The following EXOC6B variants were observed in gnomAD, a reference collection of about 807,000 sequenced individuals.
EXOC6B encodes exocyst complex component 6B, also known as SEC15 homolog B.
Under a neutral mutation model 113.5 loss-of-function variants are expected in EXOC6B, and 54 were observed. The observed-to-expected ratio is 0.48, with a 90% confidence interval of 0.38 to 0.60. The LOEUF is 0.60. Ranked by LOEUF, EXOC6B falls within the 20% of genes least tolerant of loss-of-function variation. The probability of loss-of-function intolerance (pLI) is 0.00; values close to 1 mark genes in which losing one functional copy is unlikely to be tolerated. For synonymous variants in EXOC6B, 357 were observed against 339.0 expected (o/e 1.05, Z -0.58); for missense variants, 797 against 977.5 (o/e 0.82, Z 2.46).
intron 1 of EXOC6B, among the ~76,000 whole-genome samples, chr2:72,810,775 A>T (rs961466988): frequency 6.6e-6 from 1 of 152,190 alleles, no homozygotes; most frequent in African/African-American, 2.4e-5. Flanking sequence ...GTAAGCAATA[A>T]TAAAAGAAAA....
chr2:72,222,891 G>T (rs1573027604), intron 20 of EXOC6B, among the ~76,000 whole-genome samples: 1 of 152,158 alleles, frequency 6.6e-6, no homozygotes, highest in East Asian at 1.9e-4. Context: ...ATAAGGTGAG[G>T]CTGACGGCTA....
At chr2:72,638,786 T>C (rs1263841066) in intron 6 of EXOC6B, among the ~76,000 whole-genome samples, 1 of 152,132 alleles carries the variant, frequency 6.6e-6, no homozygotes, top group Non-Finnish European at 1.5e-5. Context: ...TAGTGGAGCA[T>C]GGCCAAGAAT....
At chr2:72,631,422 GTGTGTATATA>G (rs1343522543) in intron 6 of EXOC6B, among the ~76,000 whole-genome samples, 3 of 7,062 alleles carry the variant, frequency 4.2e-4, no homozygotes, top group East Asian at 0.036. Context: ...GTGTGTGTGT[GTGTGTATATA>G]TATATATATA....
chr2:72,447,435 T>C (rs941146709), intron 18 of EXOC6B, among the ~76,000 whole-genome samples: 1 of 152,186 alleles, frequency 6.6e-6, no homozygotes, highest in African/African-American at 2.4e-5. Flanking sequence ...TTCAAATATA[T>C]GAAGGTAGTA....
intron 18 of EXOC6B, among the ~76,000 whole-genome samples, chr2:72,458,645 A>C (rs548571235): frequency 1.3e-5 from 2 of 152,244 alleles, no homozygotes; most frequent in Non-Finnish European, 2.9e-5. Context: ...TATAGTATTT[A>C]GGTAAAAACG....
At chr2:72,327,414 C>A (rs985061100) in intron 20 of EXOC6B, among the ~76,000 whole-genome samples, 2 of 152,038 alleles carry the variant, frequency 1.3e-5, no homozygotes, top group African/African-American at 4.8e-5. Flanking sequence ...TACTCCCTCT[C>A]CCCTGATTCC....
At chr2:72,411,211 C>CA (rs1694165182) in intron 18 of EXOC6B, among the ~76,000 whole-genome samples, 1 of 151,606 alleles carries the variant, frequency 6.6e-6, no homozygotes, top group East Asian at 1.9e-4. Flanking sequence ...GACCCTGCCT[C>CA]AAAAAACAAA....
chr2:72,536,550 T>G (rs1370261348), intron 8 of EXOC6B, among the ~76,000 whole-genome samples: 2 of 152,232 alleles, frequency 1.3e-5, no homozygotes, highest in African/African-American at 2.4e-5. Context: ...TACATATTTT[T>G]GGGGTTGTAA....
intron 19 of EXOC6B, among the ~76,000 whole-genome samples, chr2:72,353,411 G>T (rs183774566): frequency 8.9e-6 from 1 of 111,944 alleles, no homozygotes; most frequent in Admixed American, 7.9e-5. Flanking sequence ...TCGCTCTGTC[G>T]CCCAGGCTGG....
chr2:72,348,845 T>G (rs2104934447), intron 19 of EXOC6B, among the ~76,000 whole-genome samples: 1 of 151,918 alleles, frequency 6.6e-6, no homozygotes, highest in East Asian at 1.9e-4. Context: ...AAGCTGAGAG[T>G]CAGAAAATTA....
At chr2:72,224,992 G>GTATATATATATATATATATA (rs1325223051) in intron 20 of EXOC6B, among the ~76,000 whole-genome samples, 4 of 118,102 alleles carry the variant, frequency 3.4e-5, no homozygotes, top group African/African-American at 1.1e-4. Flanking sequence ...ATGTGTGTGT[G>GTATATATATATATATATATA]TGTATATATA....
rs138439374 is a variant in EXOC6B at position 72,698,505 on chromosome 2, T to C, written c.669+19598A>G. Among the ~76,000 whole-genome samples, 7 of 152,136 alleles carry C rather than the reference T, an allele frequency of 4.6e-5. No individual in the cohort carries two copies. In the East Asian group the frequency reaches 1.2e-3, roughly 25 times the overall value. ...TGAATACCAATTTTATGCTTACTCA[T>C]ACTATATTATCTCTAACTATTTCAA... On this transcript the variant is annotated intron_variant, in intron 6 of 21. Transcript: ENST00000272427.
chr2:72,664,301 G>A lies in EXOC6B; in HGVS notation c.669+53802C>T, dbSNP rs568969908. On this transcript the variant is annotated intron_variant, in intron 6 of 21. Transcript: ENST00000272427. ...AGAAAACACTGAGACTCAGTAGAGA[G>A]GCAATGAAGACACTGAGGCTGAAGA... 1.1e-3 allele frequency among the ~76,000 whole-genome samples: 164 copies of A among 152,210 alleles called. 1 individual carries two copies. The highest frequency in any genetic ancestry group is 6.8e-3 in the Middle Eastern group (2 of 294).
At chr2:72,606,573 TAA>T (rs1670766184) in intron 6 of EXOC6B, among the ~76,000 whole-genome samples, 1 of 150,854 alleles carries the variant, frequency 6.6e-6, no homozygotes, top group Non-Finnish European at 1.5e-5. Flanking sequence ...TACAAATAAA[TAA>T]AGTTTAGAAG....
intron 17 of EXOC6B, among the ~76,000 whole-genome samples, chr2:72,475,287 C>T (rs1373923575): frequency 6.6e-6 from 1 of 152,110 alleles, no homozygotes; most frequent in Non-Finnish European, 1.5e-5. Flanking sequence ...TGTTCTTGAA[C>T]CCCTGGGGCA....
At chr2:72,427,224 GA>G (rs1695248302) in intron 18 of EXOC6B, among the ~76,000 whole-genome samples, 1 of 152,206 alleles carries the variant, frequency 6.6e-6, no homozygotes, top group Non-Finnish European at 1.5e-5. Context: ...GTTGGGCACA[GA>G]GGGGTGGACA....
rs986842811 is a variant in EXOC6B at position 72,635,744 on chromosome 2, C to T, written c.670-60076G>A. On this transcript the variant is annotated intron_variant, in intron 6 of 21. Coordinates refer to ENST00000272427, the MANE Select transcript of EXOC6B (RefSeq NM_015189.3). ...ATGTCAAAACCAGACAAAGACAGTACTAAAATAGAAAACTACAAACCAATA... is the reference window on the plus strand; with the variant it reads ...ATGTCAAAACCAGACAAAGACAGTATTAAAATAGAAAACTACAAACCAATA... Among the ~76,000 whole-genome samples, 5 of 152,052 alleles carry T rather than the reference C, an allele frequency of 3.3e-5. 1 individual carries two copies. The highest frequency in any genetic ancestry group is 7.4e-5 in the Non-Finnish European group (5 of 68,004).
intron 8 of EXOC6B, among the ~76,000 whole-genome samples, chr2:72,550,670 G>C (rs750860191): frequency 6.6e-6 from 1 of 152,020 alleles, no homozygotes; most frequent in Non-Finnish European, 1.5e-5. Flanking sequence ...TGCTTTTCTA[G>C]AGCTTTATCA....
chr2:72,740,947 A>C (rs1681275813), intron 2 of EXOC6B, among the ~76,000 whole-genome samples: 1 of 151,676 alleles, frequency 6.6e-6, no homozygotes, highest in Non-Finnish European at 1.5e-5. Context: ...CTAAAAGTAC[A>C]AAAAAAATTA....
Sources: allele counts gnomAD v4.1 joint callset (sites outside exome capture counted in the v4.1 genomes callset), GRCh38; gene constraint gnomAD v4.1.1; transcripts MANE v1.5; gene names NCBI Gene and HGNC (gene_info 2026-07-23, HGNC 2026-07-21).